MBIP: variants seen among roughly 807,000 people sequenced by gnomAD.
MBIP encodes MAP3K12 binding inhibitory protein 1, also known as MAP3K12-binding inhibitory protein 1.
In MBIP, 32 loss-of-function variants were observed where a neutral mutation model predicts 45.7. The ratio of observed to expected loss-of-function variants is 0.70; its 90% CI spans 0.53 to 0.94. MBIP has a LOEUF of 0.94. MBIP is among the 40% of genes least tolerant of loss of function. The pLI is 0.00. For synonymous variants in MBIP, 145 were observed against 141.0 expected, an observed-to-expected ratio of 1.03 and a Z score of -0.20; for missense variants, 381 against 405.5, an observed-to-expected ratio of 0.94 and a Z score of 0.52.
At chr14:36,300,488 TG>T (rs752193013) in intron 8 of MBIP, among the ~76,000 whole-genome samples, 13 of 152,122 alleles carry the variant, frequency 8.5e-5, no homozygotes, top group Non-Finnish European at 1.5e-4. Flanking sequence ...AAGGAAGGGA[TG>T]GGGGGAGACT....
At chr14:36,302,046 A>G (rs778530310) in intron 7 of MBIP, among the ~76,000 whole-genome samples, 4 of 152,258 alleles carry the variant, frequency 2.6e-5, no homozygotes, top group Non-Finnish European at 5.9e-5. Context: ...TTAAGAAATA[A>G]TAGAGCTCAG....
intron 6 of MBIP, among the ~76,000 whole-genome samples, chr14:36,310,560 A>T (rs1320976388): frequency 1.3e-5 from 2 of 152,226 alleles, no homozygotes; most frequent in African/African-American, 4.8e-5. Flanking sequence ...GCTTTGTGCC[A>T]GGCACTGTAA....
At chr14:36,312,080 GA>G in intron 4 of MBIP, 56 bp from the exon 5 acceptor site, 1 of 961,098 alleles carries the variant, frequency 1.0e-6, no homozygotes, top group Non-Finnish European at 1.5e-6. Context: ...TCAAATGTAT[GA>G]GATTTTAATA....
chr14:36,306,257 G>GT (rs980369704), intron 7 of MBIP, among the ~76,000 whole-genome samples: 8 of 150,382 alleles, frequency 5.3e-5, no homozygotes, highest in East Asian at 2.0e-4. Context: ...TATAAGTTTT[G>GT]TTTTTTTTGT....
intron 7 of MBIP, among the ~76,000 whole-genome samples, chr14:36,304,537 C>T (rs752537112): frequency 1.3e-5 from 2 of 152,150 alleles, no homozygotes; most frequent in African/African-American, 2.4e-5. Context: ...ACTCTAAGAT[C>T]GTTCTTTTAA....
At chr14:36,308,266 T>G in intron 6 of MBIP, 77 bp from the exon 7 acceptor site, 4 of 732,922 alleles carry the variant, frequency 5.5e-6, no homozygotes, top group Non-Finnish European at 6.9e-6. Flanking sequence ...TAAAATACCA[T>G]GCAAAGACAC....
At chr14:36,310,516 A>G (rs1880137176) in intron 6 of MBIP, among the ~76,000 whole-genome samples, 1 of 152,222 alleles carries the variant, frequency 6.6e-6, no homozygotes. Context: ...AGGTGAAATA[A>G]GCAACTGTCC....
At chr14:36,305,137 T>C (rs886951576) in intron 7 of MBIP, 2 of 152,246 alleles carry the variant, frequency 1.3e-5, no homozygotes, top group African/African-American at 4.8e-5. Flanking sequence ...TAATGTACTA[T>C]GTCCTCTGTA....
In MBIP at chr14:36,305,654, C is replaced by T. The variant is rs149937239; in HGVS notation, c.888+2438G>A. On this transcript the variant is annotated intron_variant, in intron 7 of 8. Coordinates refer to ENST00000416007, the MANE Select transcript of MBIP (RefSeq NM_016586.3). ...TCCATCAATGGACTCTCACACTACACAGACTCTCCCAATTGTCCCAAGTGT... is the reference window on the plus strand; with the variant it reads ...TCCATCAATGGACTCTCACACTACATAGACTCTCCCAATTGTCCCAAGTGT... Among the ~76,000 whole-genome samples the T allele has an allele frequency of 6.1e-4, 93 of 152,310 alleles. 1 individual carries two copies. The East Asian group carries it at 0.016, about 26-fold the overall frequency.
Position 36,320,613 on chromosome 14 carries a change from A to C in MBIP, c.-25T>G, listed in dbSNP as rs757157585. 6.3e-6 allele frequency: 10 copies of C among 1,575,166 alleles called. No homozygotes were observed. The highest frequency in any genetic ancestry group is 8.6e-6 in the Non-Finnish European group (10 of 1,159,182). On this transcript the variant is annotated 5_prime_UTR_variant, in exon 1 of 9. Coordinates refer to ENST00000416007, the MANE Select transcript of MBIP (RefSeq NM_016586.3). Reference sequence around the variant, plus strand: ...TGATATCTTCTCAGGCCGCCCCACCACCACCACCACCAAGATTTGCTCACA... The same window carrying C: ...TGATATCTTCTCAGGCCGCCCCACCCCCACCACCACCAAGATTTGCTCACA...
intron 7 of MBIP, among the ~76,000 whole-genome samples, chr14:36,302,440 C>T (rs1053678140): frequency 1.2e-4 from 17 of 142,230 alleles, no homozygotes; most frequent in African/African-American, 3.1e-4. Flanking sequence ...TGCAGTGAGC[C>T]GAGACTGCAC....
intron 1 of MBIP, chr14:36,319,569 T>C (rs1184670406): frequency 2.3e-6 from 1 of 444,116 alleles, no homozygotes; most frequent in Non-Finnish European, 4.5e-6. Flanking sequence ...AATGTTCTAT[T>C]TTCATAGGAA....
At chr14:36,303,432 T>C (rs1469460156) in intron 7 of MBIP, among the ~76,000 whole-genome samples, 3 of 152,310 alleles carry the variant, frequency 2.0e-5, no homozygotes, top group East Asian at 1.9e-4. Flanking sequence ...AGTATACTTA[T>C]AGAAACCTAG....
chr14:36,305,221 G>C (rs142695201), intron 7 of MBIP: 1 of 152,288 alleles, frequency 6.6e-6, no homozygotes, highest in African/African-American at 2.4e-5. Context: ...GGTTCCTAAA[G>C]ATGGCTCATT....
Position 36,318,895 on chromosome 14 carries a change from A to G in MBIP, c.129+1565T>C, listed in dbSNP as rs531470376. Among the ~76,000 whole-genome samples, 19 of 152,148 alleles carry G rather than the reference A, an allele frequency of 1.2e-4. No homozygotes were observed. In the South Asian group the frequency reaches 3.5e-3, roughly 28 times the overall value. ...TGGAACTCTAATTTTCACTCTTAAC[A>G]CTTCTCAAAATATAGAGTATTATGA... On this transcript the variant is annotated intron_variant, in intron 1 of 8. Coordinates refer to ENST00000416007, the MANE Select transcript of MBIP (RefSeq NM_016586.3).
intron 2 of MBIP, among the ~76,000 whole-genome samples, chr14:36,315,905 A>G (rs144173284): frequency 1.6e-3 from 220 of 139,546 alleles, no homozygotes; most frequent in African/African-American, 5.5e-3. Context: ...TTGAAATCTT[A>G]TAACACCTTA....
chr14:36,305,879 A>AT (rs1879843652), intron 7 of MBIP, among the ~76,000 whole-genome samples: 1 of 151,702 alleles, frequency 6.6e-6, no homozygotes, highest in South Asian at 2.1e-4. Context: ...GTATTTGTCC[A>AT]TTTTTTTTCC....
rs1023388909 is a variant in MBIP, at chr14:36,298,952, A to G, written c.*131T>C. On this transcript the variant is annotated 3_prime_UTR_variant, in exon 9 of 9. Transcript: ENST00000416007. ...TTGAAGATTACTTGCTGCAAGCTGG[A>G]CTCATGTGAAAATAAACCTTGACTT... is the stretch of plus-strand genomic sequence containing the variant. 2 of 579,122 alleles carry G rather than the reference A, an allele frequency of 3.5e-6. No individual in the cohort carries two copies. The highest frequency in any genetic ancestry group is 4.2e-4 in the Middle Eastern group (1 of 2,382). 35.9% of individuals were successfully genotyped at this position (579,122 alleles called of 1,614,324 possible). A position where few individuals can be genotyped will look rare whatever the true frequency, so the allele number is the denominator to read the frequency against.
chr14:36,300,758 A>G, intron 8 of MBIP, 27 bp downstream of exon 8: 1 of 1,520,206 alleles, frequency 6.6e-7, no homozygotes, highest in Non-Finnish European at 8.9e-7. Context: ...CTATTTCAGA[A>G]ACCAAAATGA....
Sources: allele counts gnomAD v4.1 joint callset (sites outside exome capture counted in the v4.1 genomes callset), GRCh38; gene constraint gnomAD v4.1.1; transcripts MANE v1.5; gene names NCBI Gene and HGNC (gene_info 2026-07-23, HGNC 2026-07-21).